SLC26A5: variants seen among roughly 807,000 people sequenced by gnomAD.
The protein encoded by SLC26A5 is solute carrier family 26 member 5, also known as prestin.
SLC26A5 carries 51 observed loss-of-function variants against 81.0 expected under a neutral mutation model. That is an observed-to-expected ratio of 0.63 (90% CI 0.50 to 0.80). The LOEUF (loss-of-function observed/expected upper bound fraction) is 0.80. Ranked by LOEUF, SLC26A5 falls within the 30% of genes least tolerant of loss-of-function variation. The probability of loss-of-function intolerance (pLI) is 0.00; values close to 1 mark genes in which losing one functional copy is unlikely to be tolerated. For synonymous variants in SLC26A5, 325 were observed against 332.8 expected, an observed-to-expected ratio of 0.98 and a Z score of 0.25; for missense variants, 771 against 905.8, an observed-to-expected ratio of 0.85 and a Z score of 1.91.
intron 4 of SLC26A5, among the ~76,000 whole-genome samples, chr7:103,418,026 C>T (rs1273436584): frequency 1.3e-5 from 2 of 152,172 alleles, no homozygotes; most frequent in East Asian, 3.9e-4. Context: ...AGGTGTGAGC[C>T]ACCACACCCA....
rs2116377606 is a variant in SLC26A5 at position 103,380,601 on chromosome 7, T to C, written c.1515-52A>G. 7 of 1,510,378 alleles carry C rather than the reference T, an allele frequency of 4.6e-6. No homozygotes were observed. The East Asian group carries it at 1.6e-4, about 34-fold the overall frequency. 93.6% of individuals were successfully genotyped at this position (1,510,378 alleles called of 1,614,324 possible). On this transcript the variant is annotated intron_variant, in intron 14 of 19. Transcript: ENST00000306312. The stretch of plus-strand genomic sequence containing the variant: ...TTGTGTTGAGGCACAGCGTGTGATT[T>C]CAACAGGAGGTTGTGTATGTTTATG...
chr7:103,371,261 G>GT (rs1203923845), downstream of SLC26A5, among the ~76,000 whole-genome samples: 1 of 151,390 alleles, frequency 6.6e-6, no homozygotes, highest in African/African-American at 2.4e-5. Context: ...ATTCAAAACA[G>GT]TTTAAAAGTT....
At position 103,353,878 on chromosome 7, in the gene SLC26A5, C is replaced by G. The variant is rs1586139231; in HGVS notation, c.2042-952G>C. On this transcript the variant is annotated intron_variant, in intron 19 of 19. Coordinates refer to the SLC26A5 transcript ENST00000339444. Reference sequence around the variant, plus strand: ...AGTTTCTTTTTTAAAAATTTTAATTCTAGTTTCTTTTTGAATCTCACGTAT... The same window carrying G: ...AGTTTCTTTTTTAAAAATTTTAATTGTAGTTTCTTTTTGAATCTCACGTAT... The G allele has an allele frequency of 4.5e-6, 7 of 1,539,890 alleles. No homozygotes were observed. In the East Asian group the frequency reaches 1.6e-4, roughly 35 times the overall value.
At position 103,411,653 on chromosome 7, in the gene SLC26A5, C is replaced by T. The variant is rs555017787; in HGVS notation, c.404-67G>A. 2.4e-4 allele frequency: 373 copies of T among 1,552,036 alleles called. 1 individual carries two copies. Among genetic ancestry groups the T allele is most frequent in the South Asian group, 1.0e-3 (91 of 89,252 alleles). On this transcript the variant is annotated intron_variant, in intron 5 of 19. Coordinates refer to ENST00000306312, the MANE Select transcript of SLC26A5 (RefSeq NM_198999.3). ...GTATCTGATATGGTTTTTGCCAGTA[C>T]ACCAAGAGACAAAGGTGAGGTCAAG... is the stretch of plus-strand genomic sequence containing the variant.
chr7:103,382,652 C>T (rs939574477), intron 14 of SLC26A5, among the ~76,000 whole-genome samples: 8 of 152,086 alleles, frequency 5.3e-5, no homozygotes, highest in Non-Finnish European at 8.8e-5. Context: ...CTGTGCCTGC[C>T]CCTAATTCCT....
intron 19 of SLC26A5, among the ~76,000 whole-genome samples, chr7:103,376,461 C>G (rs1821359443): frequency 1.3e-5 from 2 of 152,108 alleles, no homozygotes; most frequent in South Asian, 4.1e-4. Context: ...AAACAAGCAA[C>G]CTGAATGATT....
intron 14 of SLC26A5, among the ~76,000 whole-genome samples, chr7:103,385,711 T>G (rs1241033628): frequency 6.7e-6 from 1 of 149,962 alleles, no homozygotes; most frequent in Non-Finnish European, 1.5e-5. Context: ...TCTTTTTTTT[T>G]TTTTTTTGAG....
intron 19 of SLC26A5, among the ~76,000 whole-genome samples, chr7:103,359,984 C>T (rs1199806316): frequency 6.6e-6 from 1 of 151,444 alleles, no homozygotes; most frequent in African/African-American, 2.4e-5. Context: ...AGGAGGCTGA[C>T]GCAGGAGAAT....
chr7:103,416,644 T>C (rs377479383), intron 4 of SLC26A5, among the ~76,000 whole-genome samples: 14 of 152,290 alleles, frequency 9.2e-5, no homozygotes, highest in Middle Eastern at 6.8e-3. Context: ...CAGTGTTTTG[T>C]AGTGTACGTA....
At chr7:103,357,102 G>T (rs969264700) in intron 19 of SLC26A5, among the ~76,000 whole-genome samples, 4 of 152,132 alleles carry the variant, frequency 2.6e-5, no homozygotes, top group African/African-American at 9.7e-5. Flanking sequence ...CAGGCAGGCA[G>T]ATGACTTGAG....
At chr7:103,403,212 A>C (rs1483801081) in intron 8 of SLC26A5, among the ~76,000 whole-genome samples, 1 of 152,156 alleles carries the variant, frequency 6.6e-6, no homozygotes, top group African/African-American at 2.4e-5. Context: ...GTGAGTTCTA[A>C]TTTGACTGCA....
chr7:103,422,859 G>C (rs1261770782), intron 2 of SLC26A5, among the ~76,000 whole-genome samples: 1 of 152,192 alleles, frequency 6.6e-6, no homozygotes, highest in East Asian at 1.9e-4. Flanking sequence ...ATGAATGCAT[G>C]GTTAAGTGCT....
chr7:103,362,541 GCT>G, intron 19 of SLC26A5: 1 of 1,406,332 alleles, frequency 7.1e-7, no homozygotes, highest in Non-Finnish European at 9.5e-7. Flanking sequence ...CAGATTTCAT[GCT>G]CTCTTTATTT....
chr7:103,439,188 G>A (rs1826684194), intron 2 of SLC26A5, among the ~76,000 whole-genome samples: 1 of 152,162 alleles, frequency 6.6e-6, no homozygotes, highest in African/African-American at 2.4e-5. Context: ...AAGGAGAAAG[G>A]GAAACCGAAG....
At chr7:103,366,174 TAC>T (rs1192339734) in intron 19 of SLC26A5, 9 of 1,559,886 alleles carry the variant, frequency 5.8e-6, no homozygotes, top group Non-Finnish European at 4.4e-6. Flanking sequence ...GTGAGAATGA[TAC>T]GTTAGAGAAC....
At chr7:103,395,109 C>T (rs1178575301) in intron 9 of SLC26A5, among the ~76,000 whole-genome samples, 1 of 152,152 alleles carries the variant, frequency 6.6e-6, no homozygotes, top group Non-Finnish European at 1.5e-5. Flanking sequence ...TGCCAAAGAA[C>T]CACCCAACTG....
chr7:103,414,282 C>T (rs1007432609), intron 4 of SLC26A5, among the ~76,000 whole-genome samples: 4 of 151,478 alleles, frequency 2.6e-5, no homozygotes, highest in African/African-American at 9.7e-5. Flanking sequence ...ACCTCCCGGG[C>T]TCAAGCAATC....
Position 103,391,614 on chromosome 7 carries a change from G to A in SLC26A5, c.1233+8C>T, listed in dbSNP as rs2116481539. 6.2e-7 allele frequency: 1 copy of A among 1,609,106 alleles called. No individual in the cohort carries two copies. Among genetic ancestry groups the A allele is most frequent in the Non-Finnish European group, 8.5e-7 (1 of 1,175,532 alleles). On this transcript the variant is annotated splice_region_variant and intron_variant, in intron 11 of 19. Transcript: ENST00000306312. The stretch of plus-strand genomic sequence containing the variant: ...TCATCAGGTCTTAGAGGCCTGTTAT[G>A]TACATACCTGTGTCTTCCCACCGGT...
At position 103,421,463 on chromosome 7, in the gene SLC26A5, C is replaced by T. The variant is rs772472784; in HGVS notation, c.52G>A (p.Val18Met). Residue 18 changes from valine to methionine, a missense_variant, in exon 3 of 20, where the codon GTG becomes ATG. Val to Met is a conservative substitution (Grantham distance 21, BLOSUM62 1). Transcript: ENST00000306312. ...GGATGACTAAAGATAGGCCTTTCCA[C>T]ATAGTACCTCTGGGTTGCTGCAAGG... ...EILAATQRYY[V>M]ERPIFSHPVL... The T allele has an allele frequency of 3.7e-6, 6 of 1,614,062 alleles. No homozygotes were observed. Among genetic ancestry groups the T allele is most frequent in the Non-Finnish European group, 5.1e-6 (6 of 1,179,946 alleles).
Sources: gnomAD v4.1 joint callset for allele counts (sites outside exome capture counted in the v4.1 genomes callset) on GRCh38, gnomAD v4.1.1 for gene constraint, MANE v1.5 for transcripts, NCBI Gene and HGNC (gene_info 2026-07-23, HGNC 2026-07-21) for gene names.